WBP2: variants seen among roughly 807,000 people sequenced by gnomAD.
The protein encoded by WBP2 is WW domain-binding protein 2.
In WBP2, 23 loss-of-function variants were observed where a neutral mutation model predicts 33.0. That is an observed-to-expected ratio of 0.70 (90% CI 0.50 to 0.99). The LOEUF (loss-of-function observed/expected upper bound fraction) is 0.99. Ranked by LOEUF, WBP2 falls within the 50% of genes least tolerant of loss-of-function variation. WBP2 has a pLI of 0.00. For synonymous variants in WBP2, 153 were observed against 133.5 expected (o/e 1.15, Z -1.01); for missense variants, 353 against 358.0 (o/e 0.99, Z 0.11).
chr17:75,847,512 G>A lies in WBP2; in HGVS notation c.630C>T (p.Gly210=), dbSNP rs753102418. ...CTGCAGGAGTGGAGGGGACATCGGG[G>A]CCGCTGACCGGAGGTTCCATGGGCC... The part of the protein sequence containing the change: ...YPGPMEPPVS[G]PDVPSTPAAE... The change falls in exon 6 of 8, where the codon GGC becomes GGT. Residue 210 remains glycine (G), a synonymous_variant. Transcript: ENST00000254806. 2.5e-6 allele frequency: 4 copies of A among 1,590,808 alleles called. No individual in the cohort carries two copies. The highest frequency in any genetic ancestry group is 3.4e-6 in the Non-Finnish European group (4 of 1,168,340).
intron 3 of WBP2, 94 bp downstream of exon 3, chr17:75,849,510 G>C (rs1464820217): frequency 1.3e-6 from 2 of 1,503,800 alleles, no homozygotes; most frequent in African/African-American, 2.7e-5. Flanking sequence ...AGGGCGATAA[G>C]GGTCTGAAGG....
rs768831967 is a variant in WBP2, at chr17:75,848,561, C to T, written c.397+9G>A. On this transcript the variant is annotated intron_variant, in intron 4 of 7. Coordinates refer to ENST00000254806, the MANE Select transcript of WBP2 (RefSeq NM_012478.4). ...TGTCTTTAGCCCCTAATCTTCGGAGCCTGGATACCTTGAGATGCCACCTGG... is the reference window on the plus strand; with the variant it reads ...TGTCTTTAGCCCCTAATCTTCGGAGTCTGGATACCTTGAGATGCCACCTGG... The T allele has an allele frequency of 5.6e-6, 9 of 1,613,162 alleles. No individual in the cohort carries two copies. Among genetic ancestry groups the T allele is most frequent in the Non-Finnish European group, 7.6e-6 (9 of 1,179,374 alleles).
chr17:75,851,476 A>T, intron 2 of WBP2, 92 bp downstream of exon 2: 1 of 928,644 alleles, frequency 1.1e-6, no homozygotes, highest in Non-Finnish European at 1.8e-6. Context: ...AGGCCACCTG[A>T]CTCATGAGGC....
In WBP2 at chr17:75,846,834, TGGTGC is replaced by T; in HGVS notation, c.733-52_733-48del. Reference sequence around the variant, plus strand: ...GACTTGCATTAGAAGGTTTAAAACATGGTGCGGTCATCCCCCTGCGGCTCCCAGCA... The same window carrying T: ...GACTTGCATTAGAAGGTTTAAAACATGGTCATCCCCCTGCGGCTCCCAGCA... On this transcript the variant is annotated intron_variant, in intron 7 of 7. Transcript: ENST00000254806. The surrounding 1 kb of genome is among the most constrained non-coding windows in gnomAD (Gnocchi z 4.8). 1 of 1,607,846 alleles carries T rather than the reference TGGTGC, an allele frequency of 6.2e-7. No homozygotes were observed. Among genetic ancestry groups the T allele is most frequent in the South Asian group, 1.1e-5 (1 of 90,350 alleles).
At position 75,846,727 on chromosome 17, in the gene WBP2, G is replaced by C; in HGVS notation, c.*7C>G. ...GATGAGGGTGGGAGGCAGGGAGGCA[G>C]GAGGGCCTACTGGGTCTTCTTATCT... On this transcript the variant is annotated 3_prime_UTR_variant, in exon 8 of 8. Transcript: ENST00000254806. The surrounding 1 kb of genome is among the most constrained non-coding windows in gnomAD (Gnocchi z 4.8). 6.6e-7 allele frequency: 1 copy of C among 1,517,504 alleles called. No homozygotes were observed. Among genetic ancestry groups the C allele is most frequent in the Non-Finnish European group, 8.9e-7 (1 of 1,129,920 alleles). 94.0% of individuals were successfully genotyped at this position (1,517,504 alleles called of 1,614,324 possible). A position where few individuals can be genotyped will look rare whatever the true frequency, so the allele number is the denominator to read the frequency against.
intron 2 of WBP2, 87 bp downstream of exon 2, chr17:75,851,481 T>C (rs1387393252): frequency 2.0e-6 from 2 of 1,009,410 alleles, no homozygotes; most frequent in Non-Finnish European, 1.6e-6. Context: ...ACCTGACTCA[T>C]GAGGCTGAGG....
chr17:75,848,038 G>A lies in WBP2; in HGVS notation c.398-108C>T, dbSNP rs571378611. ...CTACTGGGTCTCAGGAATGTGCCCC[G>A]CAGACATCCTCTGTCCATCCCACTC... On this transcript the variant is annotated intron_variant, in intron 4 of 7. Coordinates refer to ENST00000254806, the MANE Select transcript of WBP2 (RefSeq NM_012478.4). 284 of 1,405,620 alleles carry A rather than the reference G, an allele frequency of 2.0e-4. 3 individuals are homozygous for A. In the Middle Eastern group the frequency reaches 2.6e-3, roughly 13 times the overall value. 87.1% of individuals were successfully genotyped at this position (1,405,620 alleles called of 1,614,324 possible).
chr17:75,847,553 G>A lies in WBP2; in HGVS notation c.589C>T (p.Pro197Ser), dbSNP rs748006851. The change falls in exon 6 of 8, where the codon CCA (proline) becomes TCA (serine). Residue 197 changes from proline to serine, a missense_variant. Pro to Ser is a moderately conservative substitution (Grantham distance 74). Transcript: ENST00000254806. ...TCCATGGGCCCAGGGTAGGGCGGTG[G>A]TGGGGGCTGCACGTATCCCATGGCC... The part of the protein sequence containing the change: ...DGAMGYVQPP[P>S]PPYPGPMEPP... 8.7e-6 allele frequency: 14 copies of A among 1,603,394 alleles called. No homozygotes were observed. The highest frequency in any genetic ancestry group is 1.2e-5 in the Non-Finnish European group (14 of 1,174,250).
In WBP2 at chr17:75,851,559, GCAACT is replaced by G; in HGVS notation, c.168+4_168+8del. On this transcript the variant is annotated splice_donor_5th_base_variant and intron_variant, in intron 2 of 7. Coordinates refer to ENST00000254806, the MANE Select transcript of WBP2 (RefSeq NM_012478.4). ...GCCTCTCAACCAACTGCCCTGCTGT[GCAACT>G]CACCCGGTAAGGGGTAAGGTAGACA... 8 of 1,605,256 alleles carry G rather than the reference GCAACT, an allele frequency of 5.0e-6. No homozygotes were observed. Among genetic ancestry groups the G allele is most frequent in the Non-Finnish European group, 6.8e-6 (8 of 1,172,292 alleles).
At chr17:75,850,048 AC>A (rs2065018394) in intron 2 of WBP2, among the ~76,000 whole-genome samples, 1 of 152,042 alleles carries the variant, frequency 6.6e-6, no homozygotes, top group Non-Finnish European at 1.5e-5. Flanking sequence ...GAAGGGGCCT[AC>A]GAAGCTAGGG....
Position 75,846,379 on chromosome 17 carries a change from G to A in WBP2, c.*355C>T, listed in dbSNP as rs2064991191. On this transcript the variant is annotated 3_prime_UTR_variant, in exon 8 of 8. Coordinates refer to ENST00000254806, the MANE Select transcript of WBP2 (RefSeq NM_012478.4). The surrounding 1 kb of genome is among the most constrained non-coding windows in gnomAD (Gnocchi z 4.8). ...CTCATGAGGCTGAGTGTAGCAGTGG[G>A]TGCCAGACTGAGGGAGCTGGACTGC... The A allele has an allele frequency of 2.7e-6, 1 of 367,800 alleles. No individual in the cohort carries two copies. Among genetic ancestry groups the A allele is most frequent in the South Asian group, 2.3e-5 (1 of 43,026 alleles). The allele number at this position is 367,800 out of a possible 1,614,324, so 22.8% of individuals were successfully genotyped here. A position where few individuals can be genotyped will look rare whatever the true frequency, so the allele number is the denominator to read the frequency against.
chr17:75,854,805 C>A lies in WBP2; in HGVS notation c.59+434G>T, dbSNP rs182568596. 6.0e-3 allele frequency among the ~76,000 whole-genome samples: 921 copies of A among 152,268 alleles called. 9 individuals carry two copies. The highest frequency in any genetic ancestry group is 0.021 in the African/African-American group (881 of 41,528). On this transcript the variant is annotated intron_variant, in intron 1 of 7. Transcript: ENST00000254806. ...ACCTTTCTGCCCTCCACTTTCCCTA[C>A]CTGTGAAATGTGGACAGTAGTAGAT... is the stretch of plus-strand genomic sequence containing the variant.
upstream of WBP2, chr17:75,855,450 T>C (rs562420096): frequency 1.3e-4 from 97 of 747,280 alleles, no homozygotes; most frequent in Admixed American, 3.5e-4. Flanking sequence ...CACGTGGTAA[T>C]AGTTTACTCC....
chr17:75,855,090 C>A, intron 1 of WBP2, 149 bp downstream of exon 1: 2 of 290,706 alleles, frequency 6.9e-6, no homozygotes, highest in Non-Finnish European at 6.8e-6. Flanking sequence ...CACCCACCTT[C>A]CTCCAACCCC....
chr17:75,846,405 G>T lies in WBP2; in HGVS notation c.*329C>A. On this transcript the variant is annotated 3_prime_UTR_variant, in exon 8 of 8. Transcript: ENST00000254806. This position sits in a 1 kb window ranked among gnomAD's most constrained non-coding sequence, Gnocchi z 4.8. ...TGCCAGACTGAGGGAGCTGGACTGC[G>T]GTGGAGGAGGTGGCCAGAGAGTCCC... 1 of 415,654 alleles carries T rather than the reference G, an allele frequency of 2.4e-6. No homozygotes were observed. The allele number at this position is 415,654 out of a possible 1,614,324, so 25.7% of individuals were successfully genotyped here.
Position 75,849,639 on chromosome 17 carries a change from T to C in WBP2, c.269A>G (p.Asn90Ser). 1 of 1,614,114 alleles carries C rather than the reference T, an allele frequency of 6.2e-7. No homozygotes were observed. The highest frequency in any genetic ancestry group is 8.5e-7 in the Non-Finnish European group (1 of 1,179,992). ...CGCCTTCACTGTTCCCTTGATGTAG[T>C]TTGCACCAAATACGGGCTGCTTGAT... ...CEIKQPVFGA[N>S]YIKGTVKAEA... Residue 90 changes from asparagine (N) to serine (S), a missense_variant, in exon 3 of 8, where the codon AAC becomes AGC. By Grantham distance (46) the Asn-to-Ser change is conservative (BLOSUM62 1). Coordinates refer to ENST00000254806, the MANE Select transcript of WBP2 (RefSeq NM_012478.4).
At chr17:75,851,883 C>A (rs187759830) in intron 1 of WBP2, 430 of 382,314 alleles carry the variant, frequency 1.1e-3, no homozygotes, top group Non-Finnish European at 1.7e-3. Context: ...GAGCGGATGA[C>A]CCCTGGTCAG....
chr17:75,850,053 G>A (rs1404737018), intron 2 of WBP2, among the ~76,000 whole-genome samples: 2 of 152,126 alleles, frequency 1.3e-5, no homozygotes, highest in Non-Finnish European at 2.9e-5. Context: ...GGCCTACGAA[G>A]CTAGGGAAGG....
chr17:75,851,352 G>A, intron 2 of WBP2: 1 of 453,814 alleles, frequency 2.2e-6, no homozygotes, highest in Non-Finnish European at 4.1e-6. Flanking sequence ...AATTGACATG[G>A]GTTCACTGCC....
Sources: allele counts gnomAD v4.1 joint callset (sites outside exome capture counted in the v4.1 genomes callset), GRCh38; gene constraint gnomAD v4.1.1; non-coding constraint Gnocchi (gnomAD v3.1); transcripts MANE v1.5; gene names NCBI Gene and HGNC (gene_info 2026-07-23, HGNC 2026-07-21).